The following PCDHA13 variants were observed in gnomAD, a reference collection of about 807,000 sequenced individuals.
PCDHA13 encodes protocadherin alpha-13.
Under a neutral mutation model 64.8 loss-of-function variants are expected in PCDHA13, and 54 were observed. The observed-to-expected ratio is 0.83, with a 90% CI of 0.67 to 1.04. The LOEUF is 1.04. Ranked by LOEUF, PCDHA13 falls within the 50% of genes least tolerant of loss-of-function variation. The probability of loss-of-function intolerance (pLI) is 0.00; values close to 1 mark genes in which losing one functional copy is unlikely to be tolerated. For synonymous variants in PCDHA13, 587 were observed against 564.4 expected, an observed-to-expected ratio of 1.04 and a Z score of -0.57; for missense variants, 1,248 against 1,254.3, an observed-to-expected ratio of 0.99 and a Z score of 0.08.
intron 3 of PCDHA13, among the ~76,000 whole-genome samples, chr5:140,986,642 T>C (rs1213431039): frequency 6.6e-6 from 1 of 152,174 alleles, no homozygotes; most frequent in Non-Finnish European, 1.5e-5. Flanking sequence ...ACATTAGTTT[T>C]AGAGTGGGAG....
At chr5:140,903,202 C>T (rs1322362050) in intron 1 of PCDHA13, among the ~76,000 whole-genome samples, 4 of 152,184 alleles carry the variant, frequency 2.6e-5, no homozygotes, top group Admixed American at 2.0e-4. Context: ...GTGTCCTTTT[C>T]ACCACATTCA....
chr5:140,967,272 TAG>T, intron 1 of PCDHA13: 1 of 1,613,412 alleles, frequency 6.2e-7, no homozygotes, highest in Non-Finnish European at 8.5e-7. Flanking sequence ...CGCTTTCACA[TAG>T]AGAGTGCGCA....
At chr5:140,966,789 C>T (rs782194817) in intron 1 of PCDHA13, 3 of 1,528,688 alleles carry the variant, frequency 2.0e-6, no homozygotes, top group Non-Finnish European at 2.6e-6. Flanking sequence ...GGCACCAGAC[C>T]TGCGGCGACA....
chr5:141,010,105 G>A lies in PCDHA13; in HGVS notation c.*168G>A. 6.2e-7 allele frequency: 1 copy of A among 1,612,150 alleles called. No homozygotes were observed. Among genetic ancestry groups the A allele is most frequent in the African/African-American group, 1.3e-5 (1 of 74,962 alleles). The stretch of plus-strand genomic sequence containing the variant: ...GTCTAGAACGCATTTAACAGGTTTT[G>A]TCGTAAAAGCTTTACTAAGTCTGGT... On this transcript the variant is annotated 3_prime_UTR_variant, in exon 4 of 4. Transcript: ENST00000289272.
At chr5:140,928,666 T>C in intron 1 of PCDHA13, 8 of 1,614,212 alleles carry the variant, frequency 5.0e-6, no homozygotes, top group Non-Finnish European at 6.8e-6. Context: ...TGACAGTGGT[T>C]CTAATGCCTG....
chr5:140,908,836 T>C (rs1206116511), intron 1 of PCDHA13, among the ~76,000 whole-genome samples: 4 of 152,200 alleles, frequency 2.6e-5, no homozygotes, highest in African/African-American at 9.7e-5. Flanking sequence ...ATAAATGGGC[T>C]GGAGTAACAT....
At chr5:140,911,258 T>C (rs265316) in intron 1 of PCDHA13, among the ~76,000 whole-genome samples, 87,913 of 151,980 alleles carry the variant, frequency 0.58, 26,381 homozygotes, top group African/African-American at 0.75. Flanking sequence ...TCAGAATTTA[T>C]AATCTCAGTG....
At chr5:140,942,580 G>A (rs782743450) in intron 1 of PCDHA13, among the ~76,000 whole-genome samples, 4 of 151,104 alleles carry the variant, frequency 2.6e-5, no homozygotes, top group Non-Finnish European at 5.9e-5. Flanking sequence ...TCCCATATAG[G>A]ATGTCACATA....
At chr5:140,906,942 A>G (rs2073059599) in intron 1 of PCDHA13, among the ~76,000 whole-genome samples, 1 of 152,146 alleles carries the variant, frequency 6.6e-6, no homozygotes, top group Admixed American at 6.5e-5. Context: ...TGTCAATCTT[A>G]ATTTCCAGTT....
chr5:140,927,342 T>TGAC (rs1554204398), intron 1 of PCDHA13: 2 of 1,614,160 alleles, frequency 1.2e-6, no homozygotes, highest in Admixed American at 3.3e-5. Flanking sequence ...ATGCCCAAGA[T>TGAC]GACGACGAGG....
chr5:140,902,530 G>A (rs569387885), intron 1 of PCDHA13, among the ~76,000 whole-genome samples: 11 of 152,144 alleles, frequency 7.2e-5, no homozygotes, highest in African/African-American at 2.7e-4. Flanking sequence ...TTATTATGTT[G>A]AGGTATGTTC....
chr5:140,977,383 G>A (rs2096759264), intron 1 of PCDHA13, among the ~76,000 whole-genome samples: 1 of 152,134 alleles, frequency 6.6e-6, no homozygotes, highest in Non-Finnish European at 1.5e-5. Context: ...ATATTTCCAG[G>A]TTTATAAAAT....
At chr5:141,000,361 GTCTCTCTC>G (rs148596731) in intron 3 of PCDHA13, among the ~76,000 whole-genome samples, 2,007 of 26,308 alleles carry the variant, frequency 0.076, 129 homozygotes, top group East Asian at 0.15. Context: ...GTCTCTCTCT[GTCTCTCTC>G]TCTCTCTCTC....
intron 1 of PCDHA13, among the ~76,000 whole-genome samples, chr5:140,945,934 T>C (rs1161156525): frequency 2.0e-5 from 3 of 152,092 alleles, no homozygotes; most frequent in African/African-American, 4.8e-5. Context: ...TGAGCAATGA[T>C]GTTTTTTATA....
chr5:140,963,666 ATAGT>A (rs1254219157), intron 1 of PCDHA13, among the ~76,000 whole-genome samples: 1 of 152,216 alleles, frequency 6.6e-6, no homozygotes, highest in African/African-American at 2.4e-5. Flanking sequence ...CCTATATGGC[ATAGT>A]TAAATGTGTT....
Position 140,883,366 on chromosome 5 carries a change from C to A in PCDHA13, c.1098C>A (p.Ser366Arg), listed in dbSNP as rs34923516. 1.2e-5 allele frequency: 19 copies of A among 1,614,056 alleles called. No individual in the cohort carries two copies. In the African/African-American group the frequency reaches 2.4e-4, roughly 20 times the overall value. The change falls in exon 1 of 4, where the codon AGC becomes AGA. Residue 366 changes from serine (S) to arginine (R), a missense_variant. Physicochemically the swap from Ser to Arg is moderately radical, Grantham distance 110 (BLOSUM62 -1). Transcript: ENST00000289272. ...SLPIREDTQP[S>R]AIIALISVSD... ...CCATCAGAGAAGACACTCAGCCTAGCGCCATTATTGCCCTAATCAGTGTGT... is the reference window on the plus strand; with the variant it reads ...CCATCAGAGAAGACACTCAGCCTAGAGCCATTATTGCCCTAATCAGTGTGT...
intron 1 of PCDHA13, among the ~76,000 whole-genome samples, chr5:140,887,841 T>C (rs1024646010): frequency 2.6e-5 from 4 of 152,224 alleles, no homozygotes; most frequent in African/African-American, 7.2e-5. Context: ...ATATCTTTTA[T>C]TGACATATTT....
chr5:140,913,398 AT>A (rs1172885484), intron 1 of PCDHA13, among the ~76,000 whole-genome samples: 5 of 152,132 alleles, frequency 3.3e-5, no homozygotes, highest in Non-Finnish European at 7.4e-5. Flanking sequence ...GCCACTAATG[AT>A]CCTTTGAATT....
intron 1 of PCDHA13, among the ~76,000 whole-genome samples, chr5:140,924,152 C>A (rs1163487854): frequency 6.6e-6 from 1 of 152,176 alleles, no homozygotes. Flanking sequence ...TGAAGAAATG[C>A]ACATCCTAAT....
Sources: gnomAD v4.1 joint callset for allele counts (sites outside exome capture counted in the v4.1 genomes callset) on GRCh38, gnomAD v4.1.1 for gene constraint, MANE v1.5 for transcripts, NCBI Gene and HGNC (gene_info 2026-07-23, HGNC 2026-07-21) for gene names.